CDH18: variants seen among roughly 807,000 people sequenced by gnomAD.
CDH18 encodes cadherin-18.
In CDH18, 31 loss-of-function variants were observed where a neutral mutation model predicts 67.9. That is an observed-to-expected ratio of 0.46 (90% CI 0.34 to 0.62). The LOEUF is 0.62. CDH18 is among the 20% of genes least tolerant of loss of function. The pLI, the probability that CDH18 is intolerant of heterozygous loss-of-function variation, is 0.01. For synonymous variants in CDH18, 362 were observed against 347.2 expected (o/e 1.04, Z -0.48); for missense variants, 890 against 975.5 (o/e 0.91, Z 1.17).
chr5:19,551,032 C>G (rs950989684), intron 8 of CDH18, among the ~76,000 whole-genome samples: 2 of 152,088 alleles, frequency 1.3e-5, no homozygotes, highest in Non-Finnish European at 2.9e-5. Context: ...TATTACCTTT[C>G]TAGATGAAAG....
chr5:19,645,431 G>C (rs1561532983), intron 5 of CDH18, among the ~76,000 whole-genome samples: 1 of 152,152 alleles, frequency 6.6e-6, no homozygotes, highest in Non-Finnish European at 1.5e-5. Context: ...GGGAGGTAAA[G>C]TAACGGGAGA....
intron 2 of CDH18, among the ~76,000 whole-genome samples, chr5:20,233,166 A>C (rs989521243): frequency 1.3e-5 from 2 of 150,882 alleles, no homozygotes; most frequent in Non-Finnish European, 3.0e-5. Flanking sequence ...CTGAATATAT[A>C]TATAATGTAT....
chr5:19,928,073 C>A (rs770481950), intron 2 of CDH18, among the ~76,000 whole-genome samples: 2 of 152,122 alleles, frequency 1.3e-5, no homozygotes, highest in African/African-American at 2.4e-5. Context: ...GCCAGGGCTC[C>A]GTCCTGATTC....
intron 1 of CDH18, among the ~76,000 whole-genome samples, chr5:20,384,845 C>A (rs1744186841): frequency 6.6e-6 from 1 of 151,806 alleles, no homozygotes; most frequent in South Asian, 2.1e-4. Context: ...TTTATTTATT[C>A]ATTTATTTTG....
chr5:20,252,152 G>C (rs1159378737), intron 2 of CDH18, among the ~76,000 whole-genome samples: 1 of 152,002 alleles, frequency 6.6e-6, no homozygotes, highest in Non-Finnish European at 1.5e-5. Flanking sequence ...AAGAGATCGA[G>C]ATCATCCTGG....
intron 5 of CDH18, among the ~76,000 whole-genome samples, chr5:19,685,750 T>A (rs184827044): frequency 6.6e-6 from 1 of 152,308 alleles, no homozygotes; most frequent in East Asian, 1.9e-4. Flanking sequence ...TGCTATTACA[T>A]CACCTGTGTA....
At chr5:20,124,315 G>C (rs191388255) in intron 2 of CDH18, among the ~76,000 whole-genome samples, 3 of 152,316 alleles carry the variant, frequency 2.0e-5, no homozygotes, top group African/African-American at 7.2e-5. Flanking sequence ...CAAGATGTCT[G>C]TTTGTGTTCT....
chr5:19,715,390 A>T (rs1765219106), intron 5 of CDH18, among the ~76,000 whole-genome samples: 1 of 152,166 alleles, frequency 6.6e-6, no homozygotes, highest in Non-Finnish European at 1.5e-5. Flanking sequence ...AGAAAAGGTC[A>T]TCTTGAAGAA....
chr5:20,433,414 C>T (rs1580988908), intron 1 of CDH18, among the ~76,000 whole-genome samples: 2 of 151,972 alleles, frequency 1.3e-5, no homozygotes, highest in African/African-American at 4.8e-5. Context: ...CAAGTTTCCT[C>T]TTTTTGGACA....
At chr5:20,283,890 A>T (rs1746479656) in intron 1 of CDH18, among the ~76,000 whole-genome samples, 1 of 152,108 alleles carries the variant, frequency 6.6e-6, no homozygotes, top group South Asian at 2.1e-4. Flanking sequence ...TGTGGTACAT[A>T]TACACAGTGG....
intron 2 of CDH18, among the ~76,000 whole-genome samples, chr5:20,241,851 CA>C (rs1210062844): frequency 8.7e-5 from 11 of 127,028 alleles, no homozygotes; most frequent in South Asian, 4.9e-4. Context: ...GACCCTGTCG[CA>C]AAAAAAAAAA....
chr5:20,095,589 G>GAAGAAAGAAGGAAAGAAAGAAAGA (rs1745918040), intron 2 of CDH18, among the ~76,000 whole-genome samples: 1 of 141,858 alleles, frequency 7.0e-6, no homozygotes, highest in East Asian at 2.3e-4. Context: ...AGGAAGAAAG[G>GAAGAAAGAAGGAAAGAAAGAAAGA]AAGAAAGAAG....
intron 2 of CDH18, among the ~76,000 whole-genome samples, chr5:19,998,500 A>G (rs1736187636): frequency 1.3e-5 from 2 of 152,134 alleles, no homozygotes; most frequent in Non-Finnish European, 1.5e-5. Context: ...CTTTGATAGG[A>G]CCATTAGATA....
At chr5:19,651,116 A>G (rs1260523129) in intron 5 of CDH18, among the ~76,000 whole-genome samples, 1 of 152,038 alleles carries the variant, frequency 6.6e-6, no homozygotes, top group East Asian at 1.9e-4. Flanking sequence ...GCCTCAGTCT[A>G]CAATCAAAGA....
intron 2 of CDH18, among the ~76,000 whole-genome samples, chr5:20,029,867 A>T (rs1210706333): frequency 1.3e-5 from 2 of 152,176 alleles, no homozygotes; most frequent in Admixed American, 1.3e-4. Context: ...AAATTATCGC[A>T]AGGCTGAACT....
intron 1 of CDH18, among the ~76,000 whole-genome samples, chr5:20,349,790 A>G (rs539653269): frequency 6.6e-6 from 1 of 152,296 alleles, no homozygotes; most frequent in South Asian, 2.1e-4. Context: ...CATATTACAT[A>G]ACTATTAACA....
chr5:20,157,634 C>A (rs953899413), intron 2 of CDH18, among the ~76,000 whole-genome samples: 2 of 149,454 alleles, frequency 1.3e-5, no homozygotes, highest in African/African-American at 4.9e-5. Context: ...ATGTTTGCAC[C>A]CTTTAACCCA....
chr5:20,376,062 T>TCAAA (rs1279677577), intron 1 of CDH18, among the ~76,000 whole-genome samples: 1 of 137,644 alleles, frequency 7.3e-6, no homozygotes, highest in Non-Finnish European at 1.6e-5. Flanking sequence ...ATCTAACGGA[T>TCAAA]CAAACAGTAA....
intron 2 of CDH18, among the ~76,000 whole-genome samples, chr5:20,106,491 T>C (rs1295775806): frequency 1.3e-5 from 2 of 152,186 alleles, no homozygotes; most frequent in African/African-American, 4.8e-5. Flanking sequence ...AAATGACACC[T>C]TAAAATTTTC....
Sources: allele counts gnomAD v4.1 joint callset (sites outside exome capture counted in the v4.1 genomes callset), GRCh38; gene constraint gnomAD v4.1.1; transcripts MANE v1.5; gene names NCBI Gene and HGNC (gene_info 2026-07-23, HGNC 2026-07-21).